The following SH3RF3 variants were observed in gnomAD, a reference collection of about 807,000 sequenced individuals.
The protein encoded by SH3RF3 is E3 ubiquitin-protein ligase SH3RF3.
Under a neutral mutation model 66.3 loss-of-function variants are expected in SH3RF3, and 29 were observed. The ratio of observed to expected loss-of-function variants is 0.44; its 90% CI spans 0.33 to 0.60. The LOEUF (loss-of-function observed/expected upper bound fraction) is 0.60, where lower values mean the gene tolerates loss of function less well. Ranked by LOEUF, SH3RF3 falls within the 20% of genes least tolerant of loss-of-function variation. The probability of loss-of-function intolerance (pLI) is 0.04; values close to 1 mark genes in which losing one functional copy is unlikely to be tolerated. For missense variants in SH3RF3, 1,194 were observed against 1,190.9 expected, an observed-to-expected ratio of 1.00 and a Z score of -0.04; for synonymous variants, 583 against 532.0, an observed-to-expected ratio of 1.10 and a Z score of -1.32.
At chr2:109,260,492 G>T (rs1680323493) in intron 1 of SH3RF3, among the ~76,000 whole-genome samples, 1 of 152,234 alleles carries the variant, frequency 6.6e-6, no homozygotes, top group Non-Finnish European at 1.5e-5. Flanking sequence ...TTTAATTCCA[G>T]TTCCATACTT....
chr2:109,228,977 G>C lies in SH3RF3; in HGVS notation c.573+98864G>C, dbSNP rs115139490. ...CTGGTCATGGCTAGGTCTTTCTGGT[G>C]ACCAGCCTTCATCCAGGAGCCACCA... On this transcript the variant is annotated intron_variant, in intron 1 of 9. Coordinates refer to ENST00000309415, the MANE Select transcript of SH3RF3 (RefSeq NM_001099289.3). Among the ~76,000 whole-genome samples the C allele has an allele frequency of 2.7e-3, 405 of 152,272 alleles. 2 individuals are homozygous for C. Among genetic ancestry groups the C allele is most frequent in the African/African-American group, 9.3e-3 (388 of 41,538 alleles).
chr2:109,353,236 C>A (rs866447236), intron 2 of SH3RF3, among the ~76,000 whole-genome samples: 1 of 152,242 alleles, frequency 6.6e-6, no homozygotes, highest in Non-Finnish European at 1.5e-5. Context: ...GCTGCACTGG[C>A]CTCCTGGTGG....
At chr2:109,489,790 T>G (rs1038842441) in intron 8 of SH3RF3, among the ~76,000 whole-genome samples, 9 of 151,668 alleles carry the variant, frequency 5.9e-5, no homozygotes, top group Non-Finnish European at 1.0e-4. Flanking sequence ...CAGGCTGGAG[T>G]GCAGTGGCGC....
chr2:109,262,805 A>G (rs1680388340), intron 1 of SH3RF3, among the ~76,000 whole-genome samples: 2 of 152,074 alleles, frequency 1.3e-5, no homozygotes, highest in Non-Finnish European at 2.9e-5. Context: ...ATAAAATTAT[A>G]TTTTTATTTT....
rs1032674310 is a variant in SH3RF3 at position 109,409,521 on chromosome 2, C to T, written c.1300-10018C>T. Among the ~76,000 whole-genome samples the T allele has an allele frequency of 6.0e-4, 91 of 152,106 alleles. 3 individuals are homozygous for T. The highest frequency in any genetic ancestry group is 4.3e-3 in the Admixed American group (65 of 15,284). ...TCCAGCAGCAAATTTGGAACTCCTA[C>T]GGGGGCAGGTGGCTTGTGGGCAGCA... On this transcript the variant is annotated intron_variant, in intron 4 of 9. Transcript: ENST00000309415.
intron 1 of SH3RF3, among the ~76,000 whole-genome samples, chr2:109,149,116 A>G (rs1458161417): frequency 6.6e-6 from 1 of 152,108 alleles, no homozygotes; most frequent in Non-Finnish European, 1.5e-5. Flanking sequence ...GGCTCTGGGA[A>G]GGAGCAGGGA....
rs1293484253 is a variant in SH3RF3, at chr2:109,434,212, G to A, written c.1574+1541G>A. On this transcript the variant is annotated intron_variant, in intron 6 of 9. Transcript: ENST00000309415. ...CCAGGAAGGCGCAGCCTGAGATGGC[G>A]GGTGTCCACACCTCTGGGCTCGCCC... Among the ~76,000 whole-genome samples the A allele has an allele frequency of 4.6e-5, 7 of 152,248 alleles. No homozygotes were observed. In the South Asian group the frequency reaches 1.0e-3, roughly 22 times the overall value.
intron 1 of SH3RF3, among the ~76,000 whole-genome samples, chr2:109,344,731 G>A (rs1364482764): frequency 6.6e-6 from 1 of 152,142 alleles, no homozygotes; most frequent in Non-Finnish European, 1.5e-5. Flanking sequence ...CAGGAGGAGT[G>A]CCCAGGCCAA....
chr2:109,331,086 C>T (rs992781588), intron 1 of SH3RF3, among the ~76,000 whole-genome samples: 11 of 152,200 alleles, frequency 7.2e-5, no homozygotes, highest in Admixed American at 7.2e-4. Context: ...CTTTTCCTTC[C>T]AGCATAGCAG....
chr2:109,455,667 C>T (rs1231863028), intron 8 of SH3RF3, among the ~76,000 whole-genome samples: 1 of 152,208 alleles, frequency 6.6e-6, no homozygotes, highest in African/African-American at 2.4e-5. Flanking sequence ...TGAAGAATCG[C>T]TGGCTTATAA....
In SH3RF3 at chr2:109,390,990, A is replaced by G. The variant is rs560351671; in HGVS notation, c.946-7600A>G. ...CTTGGCCAACTGCCCCCAAGCAGCT[A>G]GCACCCAGAGGCGGACAAGGTGGAC... On this transcript the variant is annotated intron_variant, in intron 3 of 9. Coordinates refer to ENST00000309415, the MANE Select transcript of SH3RF3 (RefSeq NM_001099289.3). Among the ~76,000 whole-genome samples, 68 of 152,352 alleles carry G rather than the reference A, an allele frequency of 4.5e-4. 1 individual carries two copies. In the South Asian group the frequency reaches 0.013, roughly 30 times the overall value.
intron 1 of SH3RF3, among the ~76,000 whole-genome samples, chr2:109,173,064 T>C (rs537074518): frequency 6.6e-6 from 1 of 152,358 alleles, no homozygotes; most frequent in Non-Finnish European, 1.5e-5. Flanking sequence ...GGGAAAATTT[T>C]ACTTTCTTCT....
rs35365576 is a variant in SH3RF3 at position 109,289,761 on chromosome 2, CT to C, written c.574-57903del. ...GAAGATGTGTTGTCATGAAAATACACTTTTTTTTTTAAGCTGGAAACTGGGT... is the reference window on the plus strand; with the variant it reads ...GAAGATGTGTTGTCATGAAAATACACTTTTTTTTTAAGCTGGAAACTGGGT... On this transcript the variant is annotated intron_variant, in intron 1 of 9. Transcript: ENST00000309415. 1.4e-3 allele frequency among the ~76,000 whole-genome samples: 215 copies of C among 149,778 alleles called. 1 individual carries two copies. Among genetic ancestry groups the C allele is most frequent in the East Asian group, 9.9e-3 (51 of 5,128 alleles).
At chr2:109,196,331 C>T (rs1464925491) in intron 1 of SH3RF3, among the ~76,000 whole-genome samples, 1 of 152,216 alleles carries the variant, frequency 6.6e-6, no homozygotes. Flanking sequence ...GCCCCAAGGC[C>T]TGGCGTTGGG....
At chr2:109,391,529 A>G (rs1234311784) in intron 3 of SH3RF3, among the ~76,000 whole-genome samples, 1 of 152,172 alleles carries the variant, frequency 6.6e-6, no homozygotes, top group Non-Finnish European at 1.5e-5. Flanking sequence ...CTGTCAAACT[A>G]ACTTCAAGGG....
At chr2:109,376,371 G>A (rs777089651) in intron 3 of SH3RF3, among the ~76,000 whole-genome samples, 1 of 152,318 alleles carries the variant, frequency 6.6e-6, no homozygotes, top group African/African-American at 2.4e-5. Flanking sequence ...GAATCAGCTC[G>A]GGTTGGAGAG....
intron 3 of SH3RF3, among the ~76,000 whole-genome samples, chr2:109,385,578 C>G (rs1675802604): frequency 6.6e-6 from 1 of 152,236 alleles, no homozygotes; most frequent in African/African-American, 2.4e-5. Flanking sequence ...GCAAAGGAGC[C>G]TGTTTGAAAT....
At chr2:109,494,857 G>A (rs149310652) in intron 9 of SH3RF3, among the ~76,000 whole-genome samples, 5,685 of 152,190 alleles carry the variant, frequency 0.037, 362 homozygotes, top group African/African-American at 0.13. Context: ...GAAAGAGAGC[G>A]GGCGCTGCTC....
chr2:109,229,599 C>T (rs988173115), intron 1 of SH3RF3, among the ~76,000 whole-genome samples: 4 of 152,112 alleles, frequency 2.6e-5, no homozygotes, highest in Admixed American at 2.0e-4. Flanking sequence ...CACTCATGAG[C>T]AAGTTGTTCA....
Sources: gnomAD v4.1 joint callset for allele counts (sites outside exome capture counted in the v4.1 genomes callset) on GRCh38, gnomAD v4.1.1 for gene constraint, MANE v1.5 for transcripts, NCBI Gene and HGNC (gene_info 2026-07-23, HGNC 2026-07-21) for gene names.